SPATA6: variants seen among roughly 807,000 people sequenced by gnomAD.
SPATA6 encodes the protein spermatogenesis-associated protein 6.
In SPATA6, 56 loss-of-function variants were observed where a neutral mutation model predicts 65.3. The observed-to-expected ratio is 0.86, with a 90% CI of 0.69 to 1.07. The LOEUF (loss-of-function observed/expected upper bound fraction) is 1.07. SPATA6 is among the 50% of genes least tolerant of loss of function. SPATA6 has a pLI of 0.00. For missense variants in SPATA6, 590 were observed against 594.8 expected, an observed-to-expected ratio of 0.99 and a Z score of 0.08; for synonymous variants, 199 against 213.2, an observed-to-expected ratio of 0.93 and a Z score of 0.58.
chr1:48,352,111 T>C (rs187340864), intron 11 of SPATA6, among the ~76,000 whole-genome samples: 29 of 152,126 alleles, frequency 1.9e-4, no homozygotes, highest in African/African-American at 5.8e-4. Flanking sequence ...ACAATCATGG[T>C]TAAAGCCAAT....
chr1:48,293,245 C>G (rs1644780034), downstream of SPATA6, among the ~76,000 whole-genome samples: 1 of 152,234 alleles, frequency 6.6e-6, no homozygotes, highest in South Asian at 2.1e-4. Flanking sequence ...GACACTCACC[C>G]TGCTCTCATT....
At chr1:48,279,362 C>T in the SPATA6 span, among the ~76,000 whole-genome samples, 28 of 152,252 alleles carry the variant, frequency 1.8e-4, no homozygotes, top group East Asian at 1.4e-3. Context: ...GGGCTAAATG[C>T]TCCAATTAAA....
intron 3 of SPATA6, among the ~76,000 whole-genome samples, chr1:48,426,263 C>T (rs1026423223): frequency 6.6e-6 from 1 of 152,104 alleles, no homozygotes; most frequent in Non-Finnish European, 1.5e-5. Context: ...GAAGCACAGT[C>T]AATCAATTTG....
At chr1:48,340,239 A>G (rs1286477074) in intron 11 of SPATA6, among the ~76,000 whole-genome samples, 5 of 67,702 alleles carry the variant, frequency 7.4e-5, no homozygotes, top group Admixed American at 2.2e-4. Context: ...GTAGGCCTGC[A>G]CTAAAAAAAA....
intron 1 of SPATA6, among the ~76,000 whole-genome samples, chr1:48,462,326 C>T (rs971046977): frequency 6.6e-6 from 1 of 151,868 alleles, no homozygotes; most frequent in African/African-American, 2.4e-5. Flanking sequence ...CACATGTACC[C>T]TAAAACTTAA....
At chr1:48,307,942 T>C (rs12120028) in intron 11 of SPATA6, among the ~76,000 whole-genome samples, 11,767 of 152,020 alleles carry the variant, frequency 0.077, 616 homozygotes, top group East Asian at 0.23. Context: ...TGCTATGCTT[T>C]TGTTTTCTTT....
At chr1:48,404,362 T>TA (rs1380757879) in intron 5 of SPATA6, among the ~76,000 whole-genome samples, 11 of 152,128 alleles carry the variant, frequency 7.2e-5, no homozygotes, top group Non-Finnish European at 1.3e-4. Context: ...ATTACTCAAT[T>TA]AATTTTTTTT....
chr1:48,386,502 AG>A (rs1046806209), intron 8 of SPATA6, among the ~76,000 whole-genome samples: 2 of 152,232 alleles, frequency 1.3e-5, no homozygotes, highest in Non-Finnish European at 2.9e-5. Context: ...TACATTGAAT[AG>A]ATCAGCCAAT....
At chr1:48,400,020 GA>G (rs1202891937) in intron 6 of SPATA6, among the ~76,000 whole-genome samples, 1 of 151,914 alleles carries the variant, frequency 6.6e-6, no homozygotes, top group Non-Finnish European at 1.5e-5. Context: ...GGCTATATAA[GA>G]GAACTATGTT....
At chr1:48,386,332 G>A (rs1434354864) in intron 8 of SPATA6, among the ~76,000 whole-genome samples, 3 of 152,170 alleles carry the variant, frequency 2.0e-5, no homozygotes, top group Non-Finnish European at 4.4e-5. Context: ...AAGCTTTCAA[G>A]AATCAACTTT....
intron 11 of SPATA6, 141 bp from the exon 12 acceptor site, chr1:48,306,019 G>A (rs1645053614): frequency 1.6e-6 from 1 of 608,792 alleles, no homozygotes; most frequent in South Asian, 2.3e-5. Flanking sequence ...GTGTTTCTTT[G>A]GGGGGAAAAA....
At chr1:48,368,420 T>C (rs952324721) in intron 9 of SPATA6, among the ~76,000 whole-genome samples, 4 of 152,236 alleles carry the variant, frequency 2.6e-5, no homozygotes, top group Non-Finnish European at 4.4e-5. Flanking sequence ...TCCCCGTCAC[T>C]TTCAGGTACA....
In SPATA6 at chr1:48,428,828, T is replaced by C. The variant is rs1476208405; in HGVS notation, c.239-15677A>G. Among the ~76,000 whole-genome samples the C allele has an allele frequency of 6.3e-5, 9 of 143,008 alleles. No individual in the cohort carries two copies. The South Asian group carries it at 1.6e-3, about 26-fold the overall frequency. The allele number at this position is 143,008 out of a possible 152,430, so 93.8% of individuals were successfully genotyped here. A position where few individuals can be genotyped will look rare whatever the true frequency, so the allele number is the denominator to read the frequency against. ...GTGTGTGTATATGTATATATATGTGTGTATATATATGTGTATATATATGTG... is the reference window on the plus strand; with the variant it reads ...GTGTGTGTATATGTATATATATGTGCGTATATATATGTGTATATATATGTG... On this transcript the variant is annotated intron_variant, in intron 3 of 12. Coordinates refer to ENST00000371847, the MANE Select transcript of SPATA6 (RefSeq NM_019073.4).
chr1:48,273,571 T>C, the SPATA6 span, among the ~76,000 whole-genome samples: 1 of 152,156 alleles, frequency 6.6e-6, no homozygotes, highest in Admixed American at 6.5e-5. Flanking sequence ...AACTCCCACA[T>C]ATGAGTGAGA....
intron 9 of SPATA6, 72 bp from the exon 10 acceptor site, chr1:48,359,842 T>C: frequency 7.9e-7 from 1 of 1,262,934 alleles, no homozygotes; most frequent in East Asian, 2.6e-5. Context: ...TATATAGTAA[T>C]ATAGTATGCA....
chr1:48,417,753 G>A (rs897226802), intron 3 of SPATA6, among the ~76,000 whole-genome samples: 1 of 151,484 alleles, frequency 6.6e-6, no homozygotes, highest in Admixed American at 6.6e-5. Flanking sequence ...GAACCTGGGA[G>A]ACGGAGGTTG....
intron 11 of SPATA6, among the ~76,000 whole-genome samples, chr1:48,347,164 C>A (rs1413966893): frequency 1.3e-5 from 2 of 151,794 alleles, no homozygotes; most frequent in Non-Finnish European, 2.9e-5. Context: ...TAAGGCCACA[C>A]ACCTACAACT....
the SPATA6 span, among the ~76,000 whole-genome samples, chr1:48,267,454 G>A: frequency 5.3e-5 from 8 of 152,150 alleles, no homozygotes; most frequent in African/African-American, 1.9e-4. Context: ...TGGAGAATGA[G>A]TGCAAAGTTT....
chr1:48,272,112 T>C, the SPATA6 span, among the ~76,000 whole-genome samples: 1 of 152,208 alleles, frequency 6.6e-6, no homozygotes, highest in Admixed American at 6.5e-5. Flanking sequence ...CGTTTTGATA[T>C]ATGTATACAC....
Sources: allele counts gnomAD v4.1 joint callset (sites outside exome capture counted in the v4.1 genomes callset), GRCh38; gene constraint gnomAD v4.1.1; transcripts MANE v1.5; gene names NCBI Gene and HGNC (gene_info 2026-07-23, HGNC 2026-07-21).